BRAP: variants seen among roughly 807,000 people sequenced by gnomAD.
The protein encoded by BRAP is BRCA1 associated protein.
Under a neutral mutation model 73.4 loss-of-function variants are expected in BRAP, and 42 were observed. That is an observed-to-expected ratio of 0.57 (90% CI 0.45 to 0.74). The LOEUF is 0.74. BRAP is among the 30% of genes least tolerant of loss of function. BRAP has a pLI of 0.00. For synonymous variants in BRAP, 255 were observed against 267.4 expected (o/e 0.95, Z 0.45); for missense variants, 593 against 751.4 (o/e 0.79, Z 2.46).
At chr12:111,680,851 T>C (rs985425968) in intron 3 of BRAP, among the ~76,000 whole-genome samples, 1 of 152,254 alleles carries the variant, frequency 6.6e-6, no homozygotes, top group Admixed American at 6.5e-5. Context: ...GTGGCTGGGC[T>C]TGTGGATTAT....
intron 10 of BRAP, among the ~76,000 whole-genome samples, chr12:111,654,110 A>C (rs1475916776): frequency 6.6e-6 from 1 of 152,166 alleles, no homozygotes; most frequent in Non-Finnish European, 1.5e-5. Context: ...CCGTGAGCCA[A>C]CTTCACAGTA....
At chr12:111,675,516 T>C (rs780200949) in intron 4 of BRAP, among the ~76,000 whole-genome samples, 1 of 148,902 alleles carries the variant, frequency 6.7e-6, no homozygotes, top group Non-Finnish European at 1.5e-5. Context: ...CCCTGTGCTA[T>C]GTACTAGGTA....
chr12:111,665,611 C>T lies in BRAP; in HGVS notation c.896+28G>A. 1 of 1,613,606 alleles carries T rather than the reference C, an allele frequency of 6.2e-7. No individual in the cohort carries two copies. Among genetic ancestry groups the T allele is most frequent in the South Asian group, 1.1e-5 (1 of 91,022 alleles). The stretch of plus-strand genomic sequence containing the variant: ...CTGGAAGGGTTGCAATGGGCTTGTA[C>T]ACAGAGGGGTTCGGCCCCTGCACTC... On this transcript the variant is annotated intron_variant, in intron 6 of 11. Transcript: ENST00000419234. This position sits in a 1 kb window ranked among gnomAD's most constrained non-coding sequence, Gnocchi z 4.3.
chr12:111,664,713 C>T lies in BRAP; in HGVS notation c.896+926G>A, dbSNP rs145999588. 3.8e-3 allele frequency among the ~76,000 whole-genome samples: 575 copies of T among 152,334 alleles called. 2 individuals are homozygous for T. Among genetic ancestry groups the T allele is most frequent in the African/African-American group, 0.013 (549 of 41,580 alleles). On this transcript the variant is annotated intron_variant, in intron 6 of 11. Coordinates refer to ENST00000419234, the MANE Select transcript of BRAP (RefSeq NM_006768.5). ...AAGCTGATATTCTTCTTCCGGCCAC[C>T]AGGCCACTTGTGGGTGGACAGAGAT...
intron 6 of BRAP, among the ~76,000 whole-genome samples, chr12:111,663,499 C>A (rs1886828980): frequency 6.6e-6 from 1 of 152,086 alleles, no homozygotes. Flanking sequence ...ATTCTTCCTG[C>A]CTTTCTCTGC....
chr12:111,671,101 C>CA (rs59731502), intron 5 of BRAP, among the ~76,000 whole-genome samples: 40,386 of 140,840 alleles, frequency 0.29, 7,265 homozygotes, highest in East Asian at 0.9. Flanking sequence ...CTCATGTCTC[C>CA]AAAAAAAAAA....
chr12:111,644,350 T>C lies in BRAP; in HGVS notation c.1628A>G (p.Gln543Arg). Residue 543 changes from glutamine to arginine, a missense_variant, in exon 12 of 12, where the codon CAG (glutamine) becomes CGG (arginine). Physicochemically the swap from Gln to Arg is conservative, Grantham distance 43 (BLOSUM62 1). This residue lies in a region of BRAP where 143 missense variants were observed against 190.4 expected (regional missense o/e 0.75). Transcript: ENST00000419234. ...LRDVMFYLETQQKINHLPAET... is the reference protein window; with the variant it reads ...LRDVMFYLETRQKINHLPAET... ...GGCAGGCAGATGGTTGATCTTCTGC[T>C]GTGTCTCCAGGTAGAACATGACGTC... is the stretch of plus-strand genomic sequence containing the variant. The C allele has an allele frequency of 5.6e-6, 9 of 1,613,966 alleles. No homozygotes were observed. Among genetic ancestry groups the C allele is most frequent in the Non-Finnish European group, 6.8e-6 (8 of 1,180,016 alleles).
At chr12:111,673,857 A>G (rs1482111729) in intron 4 of BRAP, among the ~76,000 whole-genome samples, 1 of 152,188 alleles carries the variant, frequency 6.6e-6, no homozygotes. Context: ...GCGTCTATGA[A>G]ATGGACACAG....
intron 8 of BRAP, 79 bp downstream of exon 8, chr12:111,659,128 G>A (rs1886644056): frequency 1.3e-6 from 2 of 1,500,558 alleles, no homozygotes. Context: ...ATTTCAAGCT[G>A]GGAGGGAAAG....
chr12:111,667,049 G>A (rs1437533529), intron 5 of BRAP, among the ~76,000 whole-genome samples: 5 of 152,142 alleles, frequency 3.3e-5, no homozygotes, highest in Admixed American at 6.6e-5. Flanking sequence ...TCTAGGAGAG[G>A]TATGTTAACA....
At chr12:111,662,027 C>G (rs943073950) in intron 6 of BRAP, among the ~76,000 whole-genome samples, 10 of 152,122 alleles carry the variant, frequency 6.6e-5, no homozygotes, top group African/African-American at 2.4e-4. Flanking sequence ...CTCACTGCAC[C>G]GTGAACATCA....
intron 5 of BRAP, among the ~76,000 whole-genome samples, chr12:111,670,978 T>C (rs111468734): frequency 0.026 from 4,014 of 152,096 alleles, 184 homozygotes; most frequent in African/African-American, 0.09. Flanking sequence ...CGCATGCCTA[T>C]AGTCCTAGCC....
chr12:111,671,196 CAT>C (rs1331613534), intron 5 of BRAP, among the ~76,000 whole-genome samples: 2 of 152,020 alleles, frequency 1.3e-5, no homozygotes, highest in Non-Finnish European at 2.9e-5. Context: ...CCAGTGACCA[CAT>C]AATATAGGAA....
chr12:111,668,695 C>T (rs1887051169), intron 5 of BRAP, among the ~76,000 whole-genome samples: 1 of 149,634 alleles, frequency 6.7e-6, no homozygotes, highest in Non-Finnish European at 1.5e-5. Context: ...CTCGCTCTGT[C>T]GCCCAGGCTG....
At chr12:111,684,282 C>T (rs780988034) in intron 1 of BRAP, among the ~76,000 whole-genome samples, 3 of 152,188 alleles carry the variant, frequency 2.0e-5, no homozygotes, top group Admixed American at 6.6e-5. Flanking sequence ...CTGACCCATG[C>T]AGATGTCTAT....
intron 5 of BRAP, among the ~76,000 whole-genome samples, chr12:111,668,688 G>A (rs183063972): frequency 9.8e-4 from 145 of 148,226 alleles, no homozygotes; most frequent in East Asian, 4.7e-3. Flanking sequence ...ACAGAGTCTC[G>A]CTCTGTCGCC....
chr12:111,653,249 T>G (rs1380469178), intron 10 of BRAP, among the ~76,000 whole-genome samples: 1 of 152,162 alleles, frequency 6.6e-6, no homozygotes, highest in Non-Finnish European at 1.5e-5. Flanking sequence ...GAAACACCCA[T>G]GACACACACA....
chr12:111,681,625 G>C lies in BRAP; in HGVS notation c.443+12C>G. On this transcript the variant is annotated intron_variant, in intron 3 of 11. Transcript: ENST00000419234. Reference sequence around the variant, plus strand: ...AAATTGACTAACCCCCAAGAAAAGAGGGTTTTCTTACTTTGTCTTATATAG... The same window carrying C: ...AAATTGACTAACCCCCAAGAAAAGACGGTTTTCTTACTTTGTCTTATATAG... The C allele has an allele frequency of 6.5e-7, 1 of 1,544,200 alleles. No homozygotes were observed. Among genetic ancestry groups the C allele is most frequent in the Non-Finnish European group, 8.8e-7 (1 of 1,142,516 alleles).
At chr12:111,670,720 C>T (rs2135919956) in intron 5 of BRAP, among the ~76,000 whole-genome samples, 1 of 151,734 alleles carries the variant, frequency 6.6e-6, no homozygotes, top group African/African-American at 2.4e-5. Flanking sequence ...AAACTCCTGA[C>T]CTCAAGTTAT....
Sources: allele counts gnomAD v4.1 joint callset (sites outside exome capture counted in the v4.1 genomes callset), GRCh38; gene constraint gnomAD v4.1.1; regional missense constraint gnomAD v4.1.1; non-coding constraint Gnocchi (gnomAD v3.1); transcripts MANE v1.5; gene names NCBI Gene and HGNC (gene_info 2026-07-23, HGNC 2026-07-21).